The following HEATR3 variants were observed in gnomAD, a reference collection of about 807,000 sequenced individuals.
The protein encoded by HEATR3 is HEAT repeat-containing protein 3.
In HEATR3, 56 loss-of-function variants were observed where a neutral mutation model predicts 72.8. The observed-to-expected ratio is 0.77, with a 90% CI of 0.62 to 0.96. The LOEUF is 0.96. Ranked by LOEUF, HEATR3 falls within the 40% of genes least tolerant of loss-of-function variation. HEATR3 has a pLI of 0.00. For synonymous variants in HEATR3, 331 were observed against 318.1 expected (o/e 1.04, Z -0.43); for missense variants, 747 against 831.4 (o/e 0.90, Z 1.25).
chr16:50,100,344 AAAG>A lies in HEATR3; in HGVS notation c.1719_1721del (p.Glu573del), dbSNP rs1189575799. The stretch of plus-strand genomic sequence containing the variant: ...AGGAATCACTGGCAGCGTCCTTGCC[AAAG>A]AAGATGGTACACTTGAAACTCTTAA... On this transcript the variant is annotated inframe_deletion, in exon 13 of 15. Transcript: ENST00000299192. 1.9e-6 allele frequency: 3 copies of A among 1,613,972 alleles called. No homozygotes were observed. The African/African-American group carries it at 4.0e-5, about 22-fold the overall frequency.
chr16:50,086,837 G>GAGAATC (rs2036998751), intron 11 of HEATR3, among the ~76,000 whole-genome samples: 2 of 152,150 alleles, frequency 1.3e-5, no homozygotes, highest in Admixed American at 6.5e-5. Context: ...GCTGAGGCAG[G>GAGAATC]AGAATCGCTT....
intron 6 of HEATR3, among the ~76,000 whole-genome samples, chr16:50,078,039 G>A (rs1335164423): frequency 2.0e-5 from 3 of 151,694 alleles, no homozygotes; most frequent in Non-Finnish European, 4.4e-5. Flanking sequence ...ACCACGCCTG[G>A]CTGATTTTTG....
At chr16:50,075,476 G>A in intron 5 of HEATR3, 95 bp from the exon 6 acceptor site, 2 of 1,155,866 alleles carry the variant, frequency 1.7e-6, no homozygotes, top group South Asian at 1.4e-5. Flanking sequence ...CTAATGAAGT[G>A]GTAATGATAC....
At position 50,087,266 on chromosome 16, in the gene HEATR3, T is replaced by G. The variant is rs145969094; in HGVS notation, c.1510+915T>G. Reference sequence around the variant, plus strand: ...AACATGTATCTTTCTTCAAACACCTTTGCATGGTAGGAGCTGATTCTCTTA... The same window carrying G: ...AACATGTATCTTTCTTCAAACACCTGTGCATGGTAGGAGCTGATTCTCTTA... On this transcript the variant is annotated intron_variant, in intron 11 of 14. Coordinates refer to ENST00000299192, the MANE Select transcript of HEATR3 (RefSeq NM_182922.4). Among the ~76,000 whole-genome samples the G allele has an allele frequency of 3.0e-3, 456 of 152,282 alleles. 2 individuals are homozygous for G. The highest frequency in any genetic ancestry group is 0.01 in the African/African-American group (436 of 41,546).
intron 2 of HEATR3, among the ~76,000 whole-genome samples, chr16:50,067,192 A>C (rs2036516581): frequency 1.3e-5 from 2 of 152,058 alleles, no homozygotes; most frequent in African/African-American, 4.8e-5. Context: ...CGTCTGTAGA[A>C]AAATTATAAA....
rs868815092 is a variant in HEATR3, at chr16:50,098,682, T to A, written c.1600-1548T>A. Among the ~76,000 whole-genome samples, 8 of 151,644 alleles carry A rather than the reference T, an allele frequency of 5.3e-5. No homozygotes were observed. In the South Asian group the frequency reaches 8.3e-4, roughly 16 times the overall value. ...AAAATAATAATAATAATAAATAATTTAAAAATTAAAATTAGAGAAAAGAAA... is the reference window on the plus strand; with the variant it reads ...AAAATAATAATAATAATAAATAATTAAAAAATTAAAATTAGAGAAAAGAAA... On this transcript the variant is annotated intron_variant, in intron 12 of 14. Transcript: ENST00000299192.
chr16:50,103,665 A>G (rs896256878), intron 14 of HEATR3, among the ~76,000 whole-genome samples: 3 of 152,220 alleles, frequency 2.0e-5, no homozygotes, highest in African/African-American at 7.2e-5. Flanking sequence ...ACCGTTGCAC[A>G]CTAAAACCTG....
rs2037485448 is a variant in HEATR3 at position 50,106,284 on chromosome 16, A to G, written c.*1223A>G. The G allele has an allele frequency of 6.6e-6, 1 of 152,110 alleles. No individual in the cohort carries two copies. The highest frequency in any genetic ancestry group is 2.4e-5 in the African/African-American group (1 of 41,430). 9.4% of individuals were successfully genotyped at this position (152,110 alleles called of 1,614,324 possible). ...GGGGTCATTGCCATCCTCCCTACTC[A>G]TGACTTTGATGAGTTATTGCTGTAA... On this transcript the variant is annotated 3_prime_UTR_variant, in exon 15 of 15. Transcript: ENST00000299192.
chr16:50,095,890 A>G (rs1665199906), intron 12 of HEATR3, among the ~76,000 whole-genome samples: 1 of 152,156 alleles, frequency 6.6e-6, no homozygotes, highest in South Asian at 2.1e-4. Context: ...AGAAAAATAA[A>G]TTTTTAAAAA....
chr16:50,093,229 G>A (rs1233937891), intron 11 of HEATR3, among the ~76,000 whole-genome samples: 1 of 152,194 alleles, frequency 6.6e-6, no homozygotes, highest in Non-Finnish European at 1.5e-5. Flanking sequence ...AATGGTATAA[G>A]TCCCAGGAAC....
At chr16:50,073,844 TTCCTTC>T (rs2036664887) in intron 5 of HEATR3, 1 of 152,226 alleles carries the variant, frequency 6.6e-6, no homozygotes, top group Admixed American at 6.5e-5. Flanking sequence ...TAATAGTGTT[TTCCTTC>T]TCCATGTAGC....
intron 12 of HEATR3, 72 bp downstream of exon 12, chr16:50,094,865 A>G (rs1459785581): frequency 2.6e-6 from 2 of 775,066 alleles, no homozygotes; most frequent in Non-Finnish European, 4.3e-6. Flanking sequence ...TCATTACTTC[A>G]CTATTTTAAA....
rs2036639255 is a variant in HEATR3 at position 50,072,699 on chromosome 16, C to T, written c.607C>T (p.Leu203=). 2.5e-6 allele frequency: 4 copies of T among 1,585,564 alleles called. No individual in the cohort carries two copies. Among genetic ancestry groups the T allele is most frequent in the Non-Finnish European group, 2.6e-6 (3 of 1,153,958 alleles). Residue 203 remains leucine, a synonymous_variant, in exon 5 of 15, where the codon CTG becomes TTG. Transcript: ENST00000299192. ...YLSRFPTNVD[L]AISVAYCLQT... is the part of the protein sequence containing the mutation. ...AAGTAGGTTTCCTACCAATGTTGACCTGGCTATTTCAGTAGGTAAGTGAAG... is the reference window on the plus strand; with the variant it reads ...AAGTAGGTTTCCTACCAATGTTGACTTGGCTATTTCAGTAGGTAAGTGAAG...
chr16:50,070,786 C>T (rs1211246227), intron 4 of HEATR3, among the ~76,000 whole-genome samples: 1 of 152,146 alleles, frequency 6.6e-6, no homozygotes, highest in Non-Finnish European at 1.5e-5. Context: ...TACTGCATCA[C>T]TACATCTTTT....
intron 12 of HEATR3, among the ~76,000 whole-genome samples, chr16:50,099,116 G>A (rs1004972930): frequency 1.3e-5 from 2 of 152,064 alleles, no homozygotes; most frequent in Admixed American, 6.6e-5. Context: ...TTTTTTTGAA[G>A]AGCATAATTT....
intron 13 of HEATR3, chr16:50,100,585 C>A: frequency 2.0e-6 from 1 of 511,260 alleles, no homozygotes; most frequent in South Asian, 2.8e-5. Context: ...CCACATTTTA[C>A]AATTTAACGT....
intron 6 of HEATR3, 95 bp from the exon 7 acceptor site, chr16:50,078,646 T>C: frequency 7.9e-7 from 1 of 1,267,092 alleles, no homozygotes; most frequent in Non-Finnish European, 1.1e-6. Flanking sequence ...TTTTTTGAAA[T>C]TACACTGGCC....
rs115400442 is a variant in HEATR3 at position 50,083,839 on chromosome 16, C to T, written c.1042-98C>T. 6.5e-4 allele frequency: 689 copies of T among 1,052,446 alleles called. 4 individuals are homozygous for T. The African/African-American group carries it at 9.7e-3, about 15-fold the overall frequency. 65.2% of individuals were successfully genotyped at this position (1,052,446 alleles called of 1,614,324 possible). On this transcript the variant is annotated intron_variant, in intron 7 of 14. Transcript: ENST00000299192. ...CATTCCCCGTGTGCTCTATTCCAAG[C>T]GCAAAAATCTTCTAGTAGGCTTTCA...
chr16:50,066,410 G>A lies in HEATR3; in HGVS notation c.182G>A (p.Gly61Glu), dbSNP rs893906980. 4 of 1,521,190 alleles carry A rather than the reference G, an allele frequency of 2.6e-6. No individual in the cohort carries two copies. The African/African-American group carries it at 5.8e-5, about 22-fold the overall frequency. 94.2% of individuals were successfully genotyped at this position (1,521,190 alleles called of 1,614,324 possible). ...SAEVRECACA[G>E]LARLVQQRPA... ...GAGGTCCGCGAGTGCGCCTGCGCAGGGCTGGCCCGGCTGGTGCAGCAGCGG... is the reference window on the plus strand; with the variant it reads ...GAGGTCCGCGAGTGCGCCTGCGCAGAGCTGGCCCGGCTGGTGCAGCAGCGG... The change falls in exon 2 of 15, where the codon GGG becomes GAG. Residue 61 changes from glycine (G) to glutamate (E), a missense_variant. This residue lies in a region of HEATR3 where 161 missense variants were observed against 122.6 expected (regional missense o/e 1.31). Transcript: ENST00000299192.
Sources: gnomAD v4.1 joint callset for allele counts (sites outside exome capture counted in the v4.1 genomes callset) on GRCh38, gnomAD v4.1.1 for gene constraint, gnomAD v4.1.1 regional missense constraint, MANE v1.5 for transcripts, NCBI Gene and HGNC (gene_info 2026-07-23, HGNC 2026-07-21) for gene names.